The following ACVR1B variants were observed in gnomAD, a reference collection of about 807,000 sequenced individuals.
ACVR1B encodes activin A receptor type 1B.
In ACVR1B, 15 loss-of-function variants were observed where a neutral mutation model predicts 55.6. That is an observed-to-expected ratio of 0.27 (90% CI 0.18 to 0.42). The LOEUF is 0.42. Among genes scored for constraint, ACVR1B ranks in the 10% least tolerant of loss-of-function variants. ACVR1B has a pLI of 1.00. For synonymous variants in ACVR1B, 247 were observed against 254.6 expected, an observed-to-expected ratio of 0.97 and a Z score of 0.28; for missense variants, 359 against 670.1, an observed-to-expected ratio of 0.54 and a Z score of 5.13.
chr12:51,975,240 A>G (rs758114766), intron 1 of ACVR1B, 25 bp from the exon 2 acceptor site: 3 of 1,598,786 alleles, frequency 1.9e-6, no homozygotes, highest in South Asian at 2.2e-5. Context: ...ATTGATGTCA[A>G]TGTCTGCTCC....
intron 3 of ACVR1B, among the ~76,000 whole-genome samples, chr12:51,978,723 A>G (rs1592254792): frequency 6.6e-6 from 1 of 151,534 alleles, no homozygotes; most frequent in East Asian, 1.9e-4. Flanking sequence ...CCAGGTACTC[A>G]AGAGGCTGAG....
chr12:51,982,928 C>A (rs1942007726), intron 4 of ACVR1B: 1 of 1,043,528 alleles, frequency 9.6e-7, no homozygotes, highest in South Asian at 2.4e-5. Context: ...GACTTTGGGG[C>A]TGGTTAGAGT....
At chr12:51,989,003 G>A (rs138248000) in intron 7 of ACVR1B, among the ~76,000 whole-genome samples, 2,749 of 152,114 alleles carry the variant, frequency 0.018, 28 homozygotes, top group Non-Finnish European at 0.022. Context: ...GGTGGCTCAC[G>A]CCTGTAATCC....
chr12:51,953,389 C>T (rs1393086717), intron 1 of ACVR1B: 2 of 985,302 alleles, frequency 2.0e-6, no homozygotes, highest in African/African-American at 3.5e-5. Context: ...TAATGCTTCT[C>T]CTAAGCACCT....
At chr12:51,985,801 A>G (rs1258828753) in intron 6 of ACVR1B, among the ~76,000 whole-genome samples, 1 of 152,174 alleles carries the variant, frequency 6.6e-6, no homozygotes, top group Admixed American at 6.5e-5. Context: ...ACCCTTCAAG[A>G]TTATGGGCCT....
chr12:51,972,890 T>G (rs114791148), intron 1 of ACVR1B, among the ~76,000 whole-genome samples: 2,744 of 152,288 alleles, frequency 0.018, 28 homozygotes, highest in Non-Finnish European at 0.022. Context: ...ATACCATCTC[T>G]GTAAGATAAA....
intron 6 of ACVR1B, among the ~76,000 whole-genome samples, 187 bp from the exon 7 acceptor site, chr12:51,986,631 G>A (rs1942081275): frequency 6.6e-6 from 1 of 152,210 alleles, no homozygotes; most frequent in Non-Finnish European, 1.5e-5. Flanking sequence ...AATCTGTGCT[G>A]AAGTATTTAG....
rs767536009 is a variant in ACVR1B at position 51,994,158 on chromosome 12, A to C, written c.*48A>C. ...GCTCCTGGCAGCGAGAACTACGCAC[A>C]GCTGCCGCGTTGAGCGTACGATGGA... On this transcript the variant is annotated 3_prime_UTR_variant, in exon 9 of 9. Transcript: ENST00000257963. The surrounding 1 kb of genome is among the most constrained non-coding windows in gnomAD (Gnocchi z 4.2). 8 of 1,604,326 alleles carry C rather than the reference A, an allele frequency of 5.0e-6. No homozygotes were observed. The highest frequency in any genetic ancestry group is 6.8e-6 in the Non-Finnish European group (8 of 1,178,156).
At chr12:51,990,219 G>A (rs1261315942) in intron 7 of ACVR1B, among the ~76,000 whole-genome samples, 1 of 151,724 alleles carries the variant, frequency 6.6e-6, no homozygotes, top group Admixed American at 6.6e-5. Context: ...CTTGTACCCG[G>A]CAGGTGGAAG....
chr12:51,952,577 T>A (rs1049957579), intron 1 of ACVR1B, among the ~76,000 whole-genome samples: 3 of 152,142 alleles, frequency 2.0e-5, no homozygotes, highest in Non-Finnish European at 2.9e-5. Flanking sequence ...TCCCTAACCC[T>A]ATGGAACCGA....
chr12:51,990,452 G>A (rs1489937660), intron 7 of ACVR1B, among the ~76,000 whole-genome samples: 2 of 151,512 alleles, frequency 1.3e-5, no homozygotes, highest in African/African-American at 2.4e-5. Context: ...AGTAGCTTGG[G>A]ACTACAGGTG....
chr12:51,980,936 A>G (rs370334008), intron 3 of ACVR1B, 33 bp from the exon 4 acceptor site: 48 of 1,549,308 alleles, frequency 3.1e-5, no homozygotes, highest in African/African-American at 1.7e-4. Context: ...CAAATTTGCA[A>G]TGTCAGGTTT....
rs1325461565 is a variant in ACVR1B, at chr12:51,994,350, A to G, written c.*240A>G. ...ACTCTGAGAGCGAATTGTGTGGAGA[A>G]CTCAGTGCCACACCTCGAACTGGTT... is the stretch of plus-strand genomic sequence containing the variant. On this transcript the variant is annotated 3_prime_UTR_variant, in exon 9 of 9. Transcript: ENST00000257963. This position sits in a 1 kb window ranked among gnomAD's most constrained non-coding sequence, Gnocchi z 4.2. 1 of 471,536 alleles carries G rather than the reference A, an allele frequency of 2.1e-6. No individual in the cohort carries two copies. Among genetic ancestry groups the G allele is most frequent in the African/African-American group, 2.0e-5 (1 of 49,838 alleles). The allele number at this position is 471,536 out of a possible 1,614,324, so 29.2% of individuals were successfully genotyped here.
At chr12:51,956,464 G>A (rs1435248045) in intron 1 of ACVR1B, among the ~76,000 whole-genome samples, 1 of 152,164 alleles carries the variant, frequency 6.6e-6, no homozygotes, top group Admixed American at 6.5e-5. Context: ...GGCTTAGACT[G>A]AAAATAAATA....
chr12:51,956,977 C>G (rs1941422003), intron 1 of ACVR1B, among the ~76,000 whole-genome samples: 2 of 152,142 alleles, frequency 1.3e-5, no homozygotes, highest in East Asian at 3.9e-4. Flanking sequence ...ACATGTTGCC[C>G]AGGCTGGTCT....
At chr12:51,958,580 G>T (rs569127517) in intron 1 of ACVR1B, among the ~76,000 whole-genome samples, 1 of 151,574 alleles carries the variant, frequency 6.6e-6, no homozygotes, top group African/African-American at 2.4e-5. Flanking sequence ...TCCGGGAGGC[G>T]GAGGTTGCAG....
At chr12:51,992,644 G>A (rs1051251112) in intron 8 of ACVR1B, among the ~76,000 whole-genome samples, 46 of 152,240 alleles carry the variant, frequency 3.0e-4, no homozygotes, top group Non-Finnish European at 1.8e-4. Flanking sequence ...ATGGAAGAGT[G>A]AGGAGGAGGT....
intron 1 of ACVR1B, among the ~76,000 whole-genome samples, chr12:51,965,074 T>C (rs1308724167): frequency 6.6e-6 from 1 of 152,216 alleles, no homozygotes; most frequent in African/African-American, 2.4e-5. Flanking sequence ...TATATGATCA[T>C]ATGTTTACTC....
chr12:51,958,604 C>T (rs1198847360), intron 1 of ACVR1B, among the ~76,000 whole-genome samples: 2 of 150,456 alleles, frequency 1.3e-5, no homozygotes, highest in Non-Finnish European at 3.0e-5. Context: ...GCCGAGATCA[C>T]GCCACTGCAC....
Sources: gnomAD v4.1 joint callset for allele counts (sites outside exome capture counted in the v4.1 genomes callset) on GRCh38, gnomAD v4.1.1 for gene constraint, Gnocchi (gnomAD v3.1) non-coding constraint, MANE v1.5 for transcripts, NCBI Gene and HGNC (gene_info 2026-07-23, HGNC 2026-07-21) for gene names.